Variants in DENND1A observed in about 807,000 individuals in gnomAD.
The protein encoded by DENND1A is DENN domain containing 1A.
In DENND1A, 51 loss-of-function variants were observed where a neutral mutation model predicts 113.7. That is an observed-to-expected ratio of 0.45 (90% CI 0.36 to 0.57). The LOEUF is 0.57. Ranked by LOEUF, DENND1A falls within the 20% of genes least tolerant of loss-of-function variation. DENND1A has a pLI of 0.00. For missense variants in DENND1A, 1,258 were observed against 1,395.9 expected, an observed-to-expected ratio of 0.90 and a Z score of 1.57; for synonymous variants, 565 against 570.8, an observed-to-expected ratio of 0.99 and a Z score of 0.14.
chr9:123,485,872 C>T (rs1386748533), intron 13 of DENND1A, among the ~76,000 whole-genome samples: 2 of 152,194 alleles, frequency 1.3e-5, no homozygotes, highest in Non-Finnish European at 2.9e-5. Context: ...CATGCCTAGG[C>T]TTCTGGATTT....
chr9:123,398,760 G>T (rs1413296593), intron 21 of DENND1A, among the ~76,000 whole-genome samples: 1 of 151,074 alleles, frequency 6.6e-6, no homozygotes, highest in Non-Finnish European at 1.5e-5. Flanking sequence ...TTGGGGCCTC[G>T]CAGCTGTGCG....
chr9:123,515,866 A>C (rs2053848968), intron 13 of DENND1A, among the ~76,000 whole-genome samples: 1 of 151,996 alleles, frequency 6.6e-6, no homozygotes, highest in Non-Finnish European at 1.5e-5. Flanking sequence ...CAGGAGTTTG[A>C]GGCCAGTCTG....
chr9:123,810,645 T>C (rs1461056138), intron 2 of DENND1A, among the ~76,000 whole-genome samples: 1 of 151,624 alleles, frequency 6.6e-6, no homozygotes. Flanking sequence ...TACAAATTTG[T>C]GTTAAGCCAC....
At position 123,516,652 on chromosome 9, in the gene DENND1A, C is replaced by A. The variant is rs1238647883; in HGVS notation, c.993+40918G>T. Among the ~76,000 whole-genome samples the A allele has an allele frequency of 5.3e-5, 8 of 152,050 alleles. No individual in the cohort carries two copies. In the East Asian group the frequency reaches 1.5e-3, roughly 29 times the overall value. On this transcript the variant is annotated intron_variant, in intron 13 of 23. Transcript: ENST00000394215. ...CCTGGAATCCCAGCACTTTGAGAGG[C>A]CAAGGTGGGCAGATCACGAGGTCAG...
intron 2 of DENND1A, among the ~76,000 whole-genome samples, chr9:123,857,997 T>C (rs1317057642): frequency 1.3e-5 from 2 of 149,342 alleles, no homozygotes; most frequent in South Asian, 4.2e-4. Flanking sequence ...AGGCGGAGCT[T>C]GCAGTGAGCA....
At position 123,903,331 on chromosome 9, in the gene DENND1A, C is replaced by CAAAAAA. The variant is rs869154918; in HGVS notation, c.18-24316_18-24311dup. Among the ~76,000 whole-genome samples the CAAAAAA allele has an allele frequency of 9.3e-3, 251 of 27,014 alleles. 22 individuals are homozygous for CAAAAAA. The highest frequency in any genetic ancestry group is 0.011 in the African/African-American group (96 of 8,610). The allele number at this position is 27,014 out of a possible 152,430, so 17.7% of individuals were successfully genotyped here. On this transcript the variant is annotated intron_variant, in intron 1 of 23. Coordinates refer to ENST00000394215, the MANE Select transcript of DENND1A (RefSeq NM_001352964.2). ...TGGGCGACAGAGCGAGACTCCGTCTCAAAAAAAAAAAAAAAAAAAAAAAAA... is the reference window on the plus strand; with the variant it reads ...TGGGCGACAGAGCGAGACTCCGTCTCAAAAAAAAAAAAAAAAAAAAAAAAAAAAAAA...
intron 5 of DENND1A, among the ~76,000 whole-genome samples, chr9:123,755,382 G>A (rs1225639194): frequency 6.6e-6 from 1 of 151,504 alleles, no homozygotes; most frequent in East Asian, 1.9e-4. Flanking sequence ...GACCTCAGGT[G>A]ATCTGCCCAC....
At chr9:123,667,434 G>A (rs561816757) in intron 7 of DENND1A, among the ~76,000 whole-genome samples, 2 of 152,216 alleles carry the variant, frequency 1.3e-5, no homozygotes, top group African/African-American at 4.8e-5. Flanking sequence ...GGCCAACATG[G>A]TGAAACCCCG....
At chr9:123,530,013 A>G (rs2055164624) in intron 13 of DENND1A, among the ~76,000 whole-genome samples, 1 of 152,238 alleles carries the variant, frequency 6.6e-6, no homozygotes, top group Non-Finnish European at 1.5e-5. Context: ...AATACTAAAG[A>G]GTTCGCCAGA....
chr9:123,426,307 C>T (rs138260252), intron 19 of DENND1A, among the ~76,000 whole-genome samples: 42 of 152,246 alleles, frequency 2.8e-4, no homozygotes, highest in African/African-American at 9.4e-4. Context: ...ACAGACCAGT[C>T]GAGGAGAGAG....
At chr9:123,829,196 A>T (rs1839830044) in intron 2 of DENND1A, among the ~76,000 whole-genome samples, 1 of 152,224 alleles carries the variant, frequency 6.6e-6, no homozygotes, top group African/African-American at 2.4e-5. Context: ...TATGATTAGA[A>T]AAAGCAGAGT....
intron 21 of DENND1A, chr9:123,400,573 TC>T (rs2043381651): frequency 6.6e-6 from 1 of 152,190 alleles, no homozygotes; most frequent in Non-Finnish European, 1.5e-5. Flanking sequence ...CATCTTGCTG[TC>T]CACAAAGCTG....
chr9:123,519,835 G>A (rs1279058544), intron 13 of DENND1A, among the ~76,000 whole-genome samples: 2 of 152,074 alleles, frequency 1.3e-5, no homozygotes, highest in Non-Finnish European at 2.9e-5. Context: ...AAGTCACCAG[G>A]AGAGCATCTG....
chr9:123,771,550 C>T (rs1033422667), intron 3 of DENND1A, among the ~76,000 whole-genome samples: 6 of 152,174 alleles, frequency 3.9e-5, no homozygotes, highest in Admixed American at 3.3e-4. Context: ...GTGCAGAAAG[C>T]ACTTCTCTAC....
intron 5 of DENND1A, among the ~76,000 whole-genome samples, chr9:123,747,844 T>G (rs1589918065): frequency 1.3e-5 from 2 of 152,298 alleles, no homozygotes; most frequent in Admixed American, 1.3e-4. Flanking sequence ...ACTCAACACA[T>G]TATTTGCCAC....
chr9:123,904,350 G>A (rs972854487), intron 1 of DENND1A, among the ~76,000 whole-genome samples: 11 of 151,944 alleles, frequency 7.2e-5, no homozygotes, highest in Admixed American at 3.3e-4. Context: ...CACCAGCAAC[G>A]GAACAAAGCT....
chr9:123,769,713 G>A, intron 3 of DENND1A, 150 bp from the exon 4 acceptor site: 1 of 542,236 alleles, frequency 1.8e-6, no homozygotes, highest in Non-Finnish European at 3.2e-6. Flanking sequence ...AGGAGTACCA[G>A]GCAGTCAATC....
intron 21 of DENND1A, among the ~76,000 whole-genome samples, chr9:123,391,715 C>T (rs184153111): frequency 1.5e-4 from 20 of 130,410 alleles, no homozygotes; most frequent in Non-Finnish European, 2.8e-4. Context: ...GATGAACCAT[C>T]GAAAACGTCC....
intron 5 of DENND1A, among the ~76,000 whole-genome samples, chr9:123,724,057 T>C (rs537457728): frequency 2.9e-4 from 44 of 152,202 alleles, no homozygotes; most frequent in Non-Finnish European, 4.9e-4. Flanking sequence ...AAGAAGAACA[T>C]CCAAATTTCC....
Sources: gnomAD v4.1 joint callset for allele counts (sites outside exome capture counted in the v4.1 genomes callset) on GRCh38, gnomAD v4.1.1 for gene constraint, MANE v1.5 for transcripts, NCBI Gene and HGNC (gene_info 2026-07-23, HGNC 2026-07-21) for gene names.